The following TPTE variants were observed in gnomAD, a reference collection of about 807,000 sequenced individuals.
TPTE encodes the protein transmembrane phosphatase with tensin homology.
Under a neutral mutation model 84.1 loss-of-function variants are expected in TPTE, and 59 were observed. The ratio of observed to expected loss-of-function variants is 0.70; its 90% confidence interval spans 0.57 to 0.87. The LOEUF (loss-of-function observed/expected upper bound fraction) is 0.87, where lower values mean the gene tolerates loss of function less well. Ranked by LOEUF, TPTE falls within the 40% of genes least tolerant of loss-of-function variation. TPTE has a pLI of 0.00. For missense variants in TPTE, 382 were observed against 659.6 expected, an observed-to-expected ratio of 0.58 and a Z score of 4.61; for synonymous variants, 130 against 223.5, an observed-to-expected ratio of 0.58 and a Z score of 3.73.
chr21:10,582,976 G>T (rs1175272212), intron 17 of TPTE, among the ~76,000 whole-genome samples: 1 of 152,310 alleles, frequency 6.6e-6, no homozygotes, highest in South Asian at 2.1e-4. Flanking sequence ...CAAGTGATGT[G>T]CCTGCCTCTG....
intron 6 of TPTE, 83 bp downstream of exon 6, chr21:10,542,531 C>T: frequency 2.1e-6 from 2 of 954,776 alleles, no homozygotes; most frequent in Non-Finnish European, 2.9e-6. Context: ...CAAGTATACC[C>T]CATCCATCCA....
intron 2 of TPTE, among the ~76,000 whole-genome samples, chr21:10,525,285 T>G (rs1229129085): frequency 8.5e-5 from 13 of 152,306 alleles, no homozygotes; most frequent in Non-Finnish European, 1.6e-4. Context: ...ACTAACGTGT[T>G]TTGGAGACAG....
chr21:10,604,863 G>A (rs1321027588), intron 23 of TPTE, among the ~76,000 whole-genome samples: 1 of 152,308 alleles, frequency 6.6e-6, no homozygotes, highest in Admixed American at 6.5e-5. Context: ...ATCCTACTTG[G>A]TAAAGCTGTT....
chr21:10,592,899 A>C (rs2075511029), intron 19 of TPTE, among the ~76,000 whole-genome samples: 1 of 152,428 alleles, frequency 6.6e-6, no homozygotes, highest in East Asian at 1.9e-4. Flanking sequence ...TAAACTTTTC[A>C]AAACCCCTTC....
At chr21:10,583,169 T>G (rs1471060801) in intron 17 of TPTE, among the ~76,000 whole-genome samples, 1 of 152,310 alleles carries the variant, frequency 6.6e-6, no homozygotes, top group Non-Finnish European at 1.5e-5. Context: ...TCACCTGTTT[T>G]CTAAAACAGT....
At position 10,605,407 on chromosome 21, in the gene TPTE, C is replaced by T; in HGVS notation, c.1521-10C>T. Reference sequence around the variant, plus strand: ...CAATATAAAATGTAATAATTTTTTTCTATTCTTAGGCTTTATCTACCAAAA... The same window carrying T: ...CAATATAAAATGTAATAATTTTTTTTTATTCTTAGGCTTTATCTACCAAAA... On this transcript the variant is annotated splice_polypyrimidine_tract_variant and intron_variant, in intron 23 of 23. Transcript: ENST00000618007. 1 of 1,612,086 alleles carries T rather than the reference C, an allele frequency of 6.2e-7. No homozygotes were observed.
At chr21:10,529,563 T>A in intron 3 of TPTE, among the ~76,000 whole-genome samples, 1 of 152,312 alleles carries the variant, frequency 6.6e-6, no homozygotes, top group Non-Finnish European at 1.5e-5. Flanking sequence ...TCTTAGAATA[T>A]TACAACATCT....
At chr21:10,522,658 G>A (rs1355461974) in intron 1 of TPTE, among the ~76,000 whole-genome samples, 1 of 152,310 alleles carries the variant, frequency 6.6e-6, no homozygotes, top group Admixed American at 6.5e-5. Flanking sequence ...TGAAGTATCT[G>A]TTCACGTATT....
intron 14 of TPTE, among the ~76,000 whole-genome samples, chr21:10,572,470 AAAG>A: frequency 6.6e-6 from 1 of 151,706 alleles, no homozygotes; most frequent in Non-Finnish European, 1.5e-5. Flanking sequence ...AAAAAAAAAA[AAAG>A]GAAATGTTAA....
intron 9 of TPTE, 97 bp downstream of exon 9, chr21:10,559,641 A>T: frequency 5.0e-6 from 8 of 1,593,344 alleles, no homozygotes; most frequent in Non-Finnish European, 6.9e-6. Context: ...TGGGAGGCCG[A>T]GGCGGGCGGA....
intron 3 of TPTE, among the ~76,000 whole-genome samples, chr21:10,531,248 G>A (rs571257859): frequency 6.2e-4 from 94 of 152,290 alleles, no homozygotes; most frequent in Middle Eastern, 3.4e-3. Flanking sequence ...CCTAATGGAA[G>A]GTGTTTGGAA....
At chr21:10,581,846 A>G (rs1163440984) in intron 17 of TPTE, among the ~76,000 whole-genome samples, 90 of 152,318 alleles carry the variant, frequency 5.9e-4, no homozygotes, top group Non-Finnish European at 1.0e-3. Flanking sequence ...CGATCCTCCC[A>G]TCTCAGCCCC....
intron 1 of TPTE, among the ~76,000 whole-genome samples, chr21:10,522,098 C>CG (rs2073989546): frequency 6.6e-6 from 1 of 152,024 alleles, no homozygotes; most frequent in African/African-American, 2.4e-5. Context: ...CCCGGTCCTG[C>CG]GGAGGCTCCC....
chr21:10,550,291 T>C (rs552126895), intron 7 of TPTE, among the ~76,000 whole-genome samples: 198 of 152,332 alleles, frequency 1.3e-3, no homozygotes, highest in Non-Finnish European at 2.1e-3. Flanking sequence ...ATAGACTTAC[T>C]GAGTGGATTA....
chr21:10,562,635 C>T (rs530261356), intron 10 of TPTE, among the ~76,000 whole-genome samples: 1 of 152,424 alleles, frequency 6.6e-6, no homozygotes, highest in East Asian at 1.9e-4. Flanking sequence ...CCGAAGAATG[C>T]ATTAGAGTCT....
At chr21:10,529,056 T>C (rs777062421) in intron 3 of TPTE, among the ~76,000 whole-genome samples, 31 of 152,278 alleles carry the variant, frequency 2.0e-4, no homozygotes, top group Non-Finnish European at 3.4e-4. Flanking sequence ...TGGTGGTGCA[T>C]GCCTGCAGTC....
At chr21:10,554,573 T>C (rs923054482) in intron 8 of TPTE, among the ~76,000 whole-genome samples, 2 of 152,308 alleles carry the variant, frequency 1.3e-5, no homozygotes, top group Non-Finnish European at 2.9e-5. Flanking sequence ...CTATTGATCC[T>C]TTTTCTATTT....
chr21:10,586,757 T>C (rs1301528668), intron 17 of TPTE, among the ~76,000 whole-genome samples: 1 of 152,308 alleles, frequency 6.6e-6, no homozygotes, highest in Non-Finnish European at 1.5e-5. Flanking sequence ...TTGTTTATGT[T>C]GAGCCTGCAT....
intron 7 of TPTE, among the ~76,000 whole-genome samples, chr21:10,549,505 A>G (rs2074532550): frequency 6.6e-6 from 1 of 152,308 alleles, no homozygotes; most frequent in Non-Finnish European, 1.5e-5. Context: ...TATCATAAAA[A>G]TAACCAAACA....
Sources: allele counts gnomAD v4.1 joint callset (sites outside exome capture counted in the v4.1 genomes callset), GRCh38; gene constraint gnomAD v4.1.1; transcripts MANE v1.5; gene names NCBI Gene and HGNC (gene_info 2026-07-23, HGNC 2026-07-21).